CRTAC1: variants seen among roughly 807,000 people sequenced by gnomAD.
CRTAC1 encodes cartilage acidic protein 1, also known as acidic secreted protein in cartilage.
CRTAC1 carries 37 observed loss-of-function variants against 67.8 expected under a neutral mutation model. The observed-to-expected ratio is 0.55, with a 90% confidence interval of 0.42 to 0.72. CRTAC1 has a LOEUF of 0.72. Among genes scored for constraint, CRTAC1 ranks in the 30% least tolerant of loss-of-function variants. The pLI is 0.00. For synonymous variants in CRTAC1, 348 were observed against 371.0 expected (o/e 0.94, Z 0.71); for missense variants, 780 against 931.6 (o/e 0.84, Z 2.12).
At chr10:97,889,847 G>A (rs1361358309) in intron 11 of CRTAC1, among the ~76,000 whole-genome samples, 1 of 152,108 alleles carries the variant, frequency 6.6e-6, no homozygotes. Context: ...GGAGCTTCCC[G>A]CCGGCCCCTC....
Position 97,908,123 on chromosome 10 carries a change from G to C in CRTAC1, c.740C>G (p.Pro247Arg). The C allele has an allele frequency of 1.2e-6, 2 of 1,614,122 alleles. No homozygotes were observed. The highest frequency in any genetic ancestry group is 1.7e-6 in the Non-Finnish European group (2 of 1,180,006). ...ATCCGAGGCACTGCTGCTGAGGATG[G>C]GGCCCACGCTGACGCCTCGGCCCCC... Reference protein sequence around the residue: ...YTGGRGVSVGPILSSSASDIF... With the variant: ...YTGGRGVSVGRILSSSASDIF... The change falls in exon 6 of 15, where the codon CCC becomes CGC. Residue 247 changes from proline (P) to arginine (R), a missense_variant. Transcript: ENST00000370597.
chr10:97,905,044 C>A (rs1465760165), intron 6 of CRTAC1, among the ~76,000 whole-genome samples: 1 of 152,042 alleles, frequency 6.6e-6, no homozygotes, highest in East Asian at 1.9e-4. Flanking sequence ...GCTGTGTTTG[C>A]CCAGCATGCA....
At chr10:97,894,904 A>T (rs966891066) in intron 11 of CRTAC1, among the ~76,000 whole-genome samples, 1 of 151,166 alleles carries the variant, frequency 6.6e-6, no homozygotes, top group Non-Finnish European at 1.5e-5. Flanking sequence ...CCAGGGAAAC[A>T]GCTGGTTTGG....
chr10:98,010,097 T>C (rs986563552), intron 2 of CRTAC1, among the ~76,000 whole-genome samples: 1 of 151,580 alleles, frequency 6.6e-6, no homozygotes, highest in African/African-American at 2.4e-5. Flanking sequence ...TGGAGTGCAG[T>C]GGTGCCGTCT....
At chr10:97,881,153 T>C (rs1164838291) in intron 13 of CRTAC1, among the ~76,000 whole-genome samples, 3 of 152,198 alleles carry the variant, frequency 2.0e-5, no homozygotes, top group African/African-American at 7.2e-5. Context: ...GTGAATCACA[T>C]CATGTCACTC....
rs771813110 is a variant in CRTAC1, at chr10:97,975,092, G to A, written c.224+36046C>T. On this transcript the variant is annotated intron_variant, in intron 2 of 14. Transcript: ENST00000370597. This position sits in a 1 kb window ranked among gnomAD's most constrained non-coding sequence, Gnocchi z 4.8. ...TGGCGGTGGAGGGCCGGCCCGGGAG[G>A]AGCGGCGGAGGGGCCGGAGCCTACA... Among the ~76,000 whole-genome samples the A allele has an allele frequency of 2.1e-4, 32 of 152,108 alleles. No individual in the cohort carries two copies. The highest frequency in any genetic ancestry group is 4.3e-4 in the Non-Finnish European group (29 of 68,002).
chr10:98,011,979 C>A (rs1842918666), intron 1 of CRTAC1, among the ~76,000 whole-genome samples: 1 of 152,128 alleles, frequency 6.6e-6, no homozygotes. Flanking sequence ...GTGGTACATA[C>A]TCCAGAGGTA....
At chr10:97,877,693 G>A (rs1020207602) in intron 14 of CRTAC1, among the ~76,000 whole-genome samples, 1 of 152,184 alleles carries the variant, frequency 6.6e-6, no homozygotes, top group Admixed American at 6.5e-5. Flanking sequence ...GTGCTGCAGT[G>A]GTGCTCTTAT....
intron 2 of CRTAC1, among the ~76,000 whole-genome samples, chr10:97,969,752 C>T (rs1191072862): frequency 1.3e-5 from 2 of 151,966 alleles, no homozygotes; most frequent in African/African-American, 4.8e-5. Context: ...GCTTGGTAAC[C>T]CTCAAAATGC....
chr10:97,981,973 C>A (rs189596979), intron 2 of CRTAC1, among the ~76,000 whole-genome samples: 3 of 152,288 alleles, frequency 2.0e-5, no homozygotes, highest in African/African-American at 7.2e-5. Flanking sequence ...CAAAGTGAAA[C>A]TGCACCTACC....
At chr10:97,926,183 G>A (rs111929248) in intron 3 of CRTAC1, among the ~76,000 whole-genome samples, 3 of 152,310 alleles carry the variant, frequency 2.0e-5, no homozygotes, top group African/African-American at 4.8e-5. Flanking sequence ...GCCCAGAAGG[G>A]ACCTGCGCTG....
At chr10:98,028,947 G>A (rs1055396958) in intron 1 of CRTAC1, among the ~76,000 whole-genome samples, 1 of 152,134 alleles carries the variant, frequency 6.6e-6, no homozygotes, top group Non-Finnish European at 1.5e-5. Flanking sequence ...CTTTTCCAGA[G>A]TCCATTAGTA....
intron 4 of CRTAC1, among the ~76,000 whole-genome samples, chr10:97,921,661 A>G (rs2050838642): frequency 6.6e-6 from 1 of 152,178 alleles, no homozygotes; most frequent in African/African-American, 2.4e-5. Flanking sequence ...ACCATGCTGC[A>G]TTCCTCTCTG....
chr10:98,021,564 T>C (rs142441714), intron 1 of CRTAC1, among the ~76,000 whole-genome samples: 3 of 152,318 alleles, frequency 2.0e-5, no homozygotes, highest in African/African-American at 7.2e-5. Context: ...TGGGAAATAA[T>C]GTTTATCGGG....
At chr10:98,018,054 C>A (rs1454602852) in intron 1 of CRTAC1, among the ~76,000 whole-genome samples, 3 of 151,248 alleles carry the variant, frequency 2.0e-5, no homozygotes, top group African/African-American at 7.3e-5. Context: ...ACAAAATTAG[C>A]TGGGTGTGGT....
Position 97,993,247 on chromosome 10 carries a change from A to G in CRTAC1, c.224+17891T>C, listed in dbSNP as rs567966312. ...GCGGTTTAATGAAAGGGAAATTAGC[A>G]TAAGGACCTTGGCTTTAATACTAAA... is the stretch of plus-strand genomic sequence containing the variant. On this transcript the variant is annotated intron_variant, in intron 2 of 14. Transcript: ENST00000370597. Among the ~76,000 whole-genome samples, 3 of 152,344 alleles carry G rather than the reference A, an allele frequency of 2.0e-5. No homozygotes were observed. The South Asian group carries it at 6.2e-4, about 32-fold the overall frequency.
Position 97,884,300 on chromosome 10 carries a change from A to C in CRTAC1, c.1538T>G (p.Val513Gly). 1 of 1,553,950 alleles carries C rather than the reference A, an allele frequency of 6.4e-7. No homozygotes were observed. Among genetic ancestry groups the C allele is most frequent in the Non-Finnish European group, 8.7e-7 (1 of 1,148,292 alleles). Residue 513 changes from valine to glycine, a missense_variant, in exon 12 of 15, where the codon GTG becomes GGG. Transcript: ENST00000370597. The stretch of plus-strand genomic sequence containing the variant: ...CTCCCCGCTGGCCACGTTCCGGCTC[A>C]CCATCTTGCCATCTGGCCACGTCAC... ...VEVTWPDGKMVSRNVASGEMN... is the reference protein window; with the variant it reads ...VEVTWPDGKMGSRNVASGEMN...
chr10:97,888,269 C>A (rs1236355508), intron 11 of CRTAC1, among the ~76,000 whole-genome samples: 2 of 152,194 alleles, frequency 1.3e-5, no homozygotes, highest in East Asian at 3.8e-4. Context: ...CACAACAGCA[C>A]TGTTACCATG....
chr10:97,960,017 A>AT (rs1400356650), intron 2 of CRTAC1, among the ~76,000 whole-genome samples: 1 of 152,258 alleles, frequency 6.6e-6, no homozygotes, highest in Non-Finnish European at 1.5e-5. Context: ...ATGTACTAAA[A>AT]TTACCGTCTC....
Sources: allele counts gnomAD v4.1 joint callset (sites outside exome capture counted in the v4.1 genomes callset), GRCh38; gene constraint gnomAD v4.1.1; non-coding constraint Gnocchi (gnomAD v3.1); transcripts MANE v1.5; gene names NCBI Gene and HGNC (gene_info 2026-07-23, HGNC 2026-07-21).